The following PDE5A variants were observed in gnomAD, a reference collection of about 807,000 sequenced individuals.
The protein encoded by PDE5A is cGMP-specific 3',5'-cyclic phosphodiesterase.
PDE5A carries 67 observed loss-of-function variants against 110.2 expected under a neutral mutation model. That is an observed-to-expected ratio of 0.61 (90% CI 0.50 to 0.75). The LOEUF (loss-of-function observed/expected upper bound fraction) is 0.75, where lower values mean the gene tolerates loss of function less well. PDE5A is among the 30% of genes least tolerant of loss of function. The pLI is 0.00. For missense variants in PDE5A, 862 were observed against 1,045.1 expected, an observed-to-expected ratio of 0.82 and a Z score of 2.42; for synonymous variants, 328 against 351.2, an observed-to-expected ratio of 0.93 and a Z score of 0.74.
At chr4:119,621,840 A>G (rs193207285) in intron 1 of PDE5A, among the ~76,000 whole-genome samples, 24 of 152,328 alleles carry the variant, frequency 1.6e-4, no homozygotes, top group Non-Finnish European at 2.2e-4. Context: ...ATCAAAAAGA[A>G]TGTCTTTCTT....
chr4:119,595,172 A>G (rs1319215376), intron 3 of PDE5A, among the ~76,000 whole-genome samples: 4 of 152,226 alleles, frequency 2.6e-5, no homozygotes, highest in African/African-American at 9.6e-5. Flanking sequence ...AAAAAAATCA[A>G]TGGGGTTTGG....
chr4:119,621,659 T>G (rs9992502), intron 1 of PDE5A, among the ~76,000 whole-genome samples: 23,091 of 151,822 alleles, frequency 0.15, 1,903 homozygotes, highest in African/African-American at 0.2. Flanking sequence ...GACAGACAGA[T>G]AGATAGTTAG....
intron 1 of PDE5A, among the ~76,000 whole-genome samples, chr4:119,608,664 C>T (rs992559806): frequency 2.6e-5 from 4 of 152,098 alleles, no homozygotes; most frequent in African/African-American, 9.7e-5. Context: ...TCAAACTTAC[C>T]TTCAAAAGAT....
chr4:119,513,226 T>C (rs907848368), intron 14 of PDE5A, among the ~76,000 whole-genome samples: 2 of 152,120 alleles, frequency 1.3e-5, no homozygotes, highest in African/African-American at 4.8e-5. Context: ...CAGAGGAATG[T>C]TCTCTGCACT....
In PDE5A at chr4:119,574,575, A is replaced by AG. The variant is rs1228883022; in HGVS notation, c.832-7432dup. ...TAACGCTTAGTCTTTAGATCTCATA[A>AG]GGATGCTTATCTTCTTAATGCACAT... On this transcript the variant is annotated intron_variant, in intron 3 of 20. Coordinates refer to ENST00000354960, the MANE Select transcript of PDE5A (RefSeq NM_001083.4). 3.9e-5 allele frequency among the ~76,000 whole-genome samples: 6 copies of AG among 152,254 alleles called. No individual in the cohort carries two copies. In the South Asian group the frequency reaches 6.2e-4, roughly 16 times the overall value.
At chr4:119,506,038 AT>A (rs1446176030) in intron 16 of PDE5A, 106 bp from the exon 17 acceptor site, 3 of 531,946 alleles carry the variant, frequency 5.6e-6, no homozygotes, top group South Asian at 3.6e-5. Context: ...AAAACCTCTG[AT>A]TTTTTTTCCC....
chr4:119,518,161 A>G (rs1162716616), intron 14 of PDE5A, among the ~76,000 whole-genome samples: 1 of 152,236 alleles, frequency 6.6e-6, no homozygotes. Context: ...TTCCCTCTAG[A>G]TATCAGACAT....
chr4:119,603,638 AG>A (rs1402085877), intron 2 of PDE5A, among the ~76,000 whole-genome samples: 2 of 152,102 alleles, frequency 1.3e-5, no homozygotes, highest in African/African-American at 4.8e-5. Context: ...AATTTATATC[AG>A]TTTATATCAT....
At chr4:119,565,986 A>C (rs1266199508) in intron 4 of PDE5A, among the ~76,000 whole-genome samples, 1 of 149,130 alleles carries the variant, frequency 6.7e-6, no homozygotes, top group Non-Finnish European at 1.5e-5. Flanking sequence ...ATAATAATTA[A>C]TAGTATTAAT....
rs1730372519 is a variant in PDE5A at position 119,627,047 on chromosome 4, A to G, written c.152+1473T>C. 3 of 1,303,062 alleles carry G rather than the reference A, an allele frequency of 2.3e-6. No individual in the cohort carries two copies. Among genetic ancestry groups the G allele is most frequent in the East Asian group, 4.8e-5 (2 of 41,310 alleles). 80.7% of individuals were successfully genotyped at this position (1,303,062 alleles called of 1,614,324 possible). ...TTATACAGTCAATTTTCAATGATAC[A>G]TCGTCCCACTGGTGCCACCGGGGCG... On this transcript the variant is annotated intron_variant, in intron 1 of 20. Transcript: ENST00000354960. The surrounding 1 kb of genome is among the most constrained non-coding windows in gnomAD (Gnocchi z 4.6).
At chr4:119,614,609 C>T (rs1273154054) in intron 1 of PDE5A, among the ~76,000 whole-genome samples, 2 of 152,140 alleles carry the variant, frequency 1.3e-5, no homozygotes, top group African/African-American at 2.4e-5. Flanking sequence ...TTTGAAAGCA[C>T]TTGGATTCAT....
chr4:119,597,266 T>C (rs1036028193), intron 2 of PDE5A, among the ~76,000 whole-genome samples: 3 of 151,720 alleles, frequency 2.0e-5, no homozygotes, highest in Non-Finnish European at 4.4e-5. Flanking sequence ...ACACTTTAGA[T>C]TGGGAAGATC....
rs1042872950 is a variant in PDE5A, at chr4:119,520,849, C to T, written c.1905+86G>A. 9.0e-5 allele frequency: 103 copies of T among 1,140,872 alleles called. 1 individual carries two copies. The African/African-American group carries it at 1.6e-3, about 17-fold the overall frequency. 70.7% of individuals were successfully genotyped at this position (1,140,872 alleles called of 1,614,324 possible). A position where few individuals can be genotyped will look rare whatever the true frequency, so the allele number is the denominator to read the frequency against. On this transcript the variant is annotated intron_variant, in intron 13 of 20. Coordinates refer to ENST00000354960, the MANE Select transcript of PDE5A (RefSeq NM_001083.4). ...AATATTATTTTAAATCATTGTGCAC[C>T]TTAAAGTGAAATTGAAAGAATATGC... is the stretch of plus-strand genomic sequence containing the variant.
At chr4:119,591,947 C>G (rs1032545031) in intron 3 of PDE5A, among the ~76,000 whole-genome samples, 4 of 151,056 alleles carry the variant, frequency 2.6e-5, no homozygotes, top group African/African-American at 9.8e-5. Flanking sequence ...GTCAAGAGAT[C>G]GAGACCATCC....
intron 17 of PDE5A, among the ~76,000 whole-genome samples, 161 bp downstream of exon 17, chr4:119,505,694 T>C (rs1230274082): frequency 6.6e-6 from 1 of 151,932 alleles, no homozygotes; most frequent in Non-Finnish European, 1.5e-5. Context: ...CAAGTAAATA[T>C]TCAAATTTAC....
At chr4:119,571,497 G>A (rs749116427) in intron 3 of PDE5A, among the ~76,000 whole-genome samples, 39 of 152,078 alleles carry the variant, frequency 2.6e-4, no homozygotes, top group Non-Finnish European at 4.6e-4. Flanking sequence ...GAGCAAAGGG[G>A]TACAGGCAGC....
chr4:119,591,686 A>G (rs1176925164), intron 3 of PDE5A, among the ~76,000 whole-genome samples: 2 of 152,126 alleles, frequency 1.3e-5, no homozygotes, highest in African/African-American at 4.8e-5. Flanking sequence ...ATTACTTTTT[A>G]TATTATAACA....
At chr4:119,550,781 T>G (rs1460065881) in intron 9 of PDE5A, among the ~76,000 whole-genome samples, 1 of 152,222 alleles carries the variant, frequency 6.6e-6, no homozygotes, top group Non-Finnish European at 1.5e-5. Flanking sequence ...GTAGTAAATC[T>G]TTATACTTAT....
At chr4:119,514,275 C>T (rs778579992) in intron 14 of PDE5A, among the ~76,000 whole-genome samples, 9 of 152,104 alleles carry the variant, frequency 5.9e-5, no homozygotes, top group African/African-American at 2.2e-4. Context: ...AAAATGAAAG[C>T]CCCATGGGGG....
Sources: allele counts gnomAD v4.1 joint callset (sites outside exome capture counted in the v4.1 genomes callset), GRCh38; gene constraint gnomAD v4.1.1; non-coding constraint Gnocchi (gnomAD v3.1); transcripts MANE v1.5; gene names NCBI Gene and HGNC (gene_info 2026-07-23, HGNC 2026-07-21).